Variants in ZNF821 observed in about 807,000 individuals in gnomAD.
The protein encoded by ZNF821 is zinc finger protein 821.
A neutral mutation model predicts 44.3 loss-of-function variants in ZNF821; 16 were observed. The observed-to-expected ratio is 0.36, with a 90% CI of 0.24 to 0.55. ZNF821 has a LOEUF of 0.55. ZNF821 is among the 20% of genes least tolerant of loss of function. The probability of loss-of-function intolerance (pLI) is 0.86; values close to 1 mark genes in which losing one functional copy is unlikely to be tolerated. For missense variants in ZNF821, 436 were observed against 547.6 expected, an observed-to-expected ratio of 0.80 and a Z score of 2.03; for synonymous variants, 204 against 197.6, an observed-to-expected ratio of 1.03 and a Z score of -0.27.
chr16:71,886,902 A>C (rs1269362863), upstream of ZNF821, among the ~76,000 whole-genome samples: 1 of 152,218 alleles, frequency 6.6e-6, no homozygotes, highest in Non-Finnish European at 1.5e-5. Flanking sequence ...ATTTCATATA[A>C]ATGTGATTGA....
chr16:71,874,798 T>A (rs999415572), intron 3 of ZNF821, among the ~76,000 whole-genome samples: 2 of 152,178 alleles, frequency 1.3e-5, no homozygotes, highest in South Asian at 4.1e-4. Flanking sequence ...AAATTAAATA[T>A]ATTTAGTTGG....
chr16:71,863,776 C>T (rs775993897), intron 6 of ZNF821, among the ~76,000 whole-genome samples: 5 of 152,190 alleles, frequency 3.3e-5, no homozygotes, highest in African/African-American at 4.8e-5. Context: ...TGGCTCACTG[C>T]GACCTCCGCC....
chr16:71,891,432 G>A (rs936825736), intron 1 of ZNF821: 21 of 152,194 alleles, frequency 1.4e-4, no homozygotes, highest in African/African-American at 5.1e-4. Context: ...ATACTGTTTC[G>A]AATAATTGGC....
At chr16:71,863,319 G>A (rs923499403) in intron 6 of ZNF821, among the ~76,000 whole-genome samples, 1 of 151,214 alleles carries the variant, frequency 6.6e-6, no homozygotes, top group Admixed American at 6.6e-5. Context: ...TTTTCACAGT[G>A]TGTCTGCCCG....
At chr16:71,870,499 T>A (rs1237948902) in intron 3 of ZNF821, among the ~76,000 whole-genome samples, 2 of 151,208 alleles carry the variant, frequency 1.3e-5, no homozygotes, top group Non-Finnish European at 3.0e-5. Flanking sequence ...TTTTTTTTTT[T>A]TTTTAATATG....
At chr16:71,889,076 C>G (rs1261787139), upstream of ZNF821, among the ~76,000 whole-genome samples, 7 of 151,974 alleles carry the variant, frequency 4.6e-5, no homozygotes, top group Non-Finnish European at 1.5e-5. Context: ...GAGATCCTGT[C>G]TCTACAAAAA....
At chr16:71,869,430 G>C (rs1402184938) in intron 3 of ZNF821, among the ~76,000 whole-genome samples, 1 of 152,036 alleles carries the variant, frequency 6.6e-6, no homozygotes, top group Non-Finnish European at 1.5e-5. Flanking sequence ...ACATTCATTG[G>C]GCATCTATTA....
At chr16:71,865,817 G>T (rs1184987155) in intron 4 of ZNF821, among the ~76,000 whole-genome samples, 1 of 152,144 alleles carries the variant, frequency 6.6e-6, no homozygotes, top group Non-Finnish European at 1.5e-5. Context: ...CATTCTTTAG[G>T]ATGAAATGTA....
chr16:71,878,268 T>G (rs752024336), intron 3 of ZNF821, among the ~76,000 whole-genome samples: 1 of 151,764 alleles, frequency 6.6e-6, no homozygotes, highest in Non-Finnish European at 1.5e-5. Flanking sequence ...CCTGCCACCA[T>G]GCCTGGTTAA....
In ZNF821 at chr16:71,860,965, C is replaced by T. The variant is rs1181048330; in HGVS notation, c.585-293G>A. ...CCGCCTCCTAGGTTCAAGCCATTCT[C>T]CTGCCTCAGCCTCCTGAGTAGCTGG... On this transcript the variant is annotated intron_variant, in intron 7 of 7. Coordinates refer to ENST00000425432, the MANE Select transcript of ZNF821 (RefSeq NM_001201552.2). The surrounding 1 kb of genome is among the most constrained non-coding windows in gnomAD (Gnocchi z 7.3). Among the ~76,000 whole-genome samples, 2 of 151,724 alleles carry T rather than the reference C, an allele frequency of 1.3e-5. No homozygotes were observed. Among genetic ancestry groups the T allele is most frequent in the African/African-American group, 4.8e-5 (2 of 41,342 alleles).
At chr16:71,867,515 C>T (rs564062971) in intron 4 of ZNF821, among the ~76,000 whole-genome samples, 27 of 152,066 alleles carry the variant, frequency 1.8e-4, no homozygotes, top group African/African-American at 6.3e-4. Context: ...GGAGAAACCC[C>T]GTCTCTACTA....
At position 71,860,353 on chromosome 16, in the gene ZNF821, C is replaced by T; in HGVS notation, c.904G>A (p.Glu302Lys). 6.2e-7 allele frequency: 1 copy of T among 1,611,752 alleles called. No individual in the cohort carries two copies. The highest frequency in any genetic ancestry group is 8.5e-7 in the Non-Finnish European group (1 of 1,180,004). ...EREVRRMRDR[E>K]AKRLQRMQET... is the part of the protein sequence containing the mutation. Reference sequence around the variant, plus strand: ...TGCATGCGCTGCAAGCGCTTGGCTTCACGGTCCCTCATGCGCCTCACCTCC... The same window carrying T: ...TGCATGCGCTGCAAGCGCTTGGCTTTACGGTCCCTCATGCGCCTCACCTCC... Residue 302 changes from glutamate (E) to lysine (K), a missense_variant, in exon 8 of 8, where the codon GAA (glutamate) becomes AAA (lysine). Around this residue, in one of 5 missense-constraint regions of ZNF821, gnomAD observed 72 missense variants for 133.3 expected, o/e 0.54. Coordinates refer to ENST00000425432, the MANE Select transcript of ZNF821 (RefSeq NM_001201552.2). This position sits in a 1 kb window ranked among gnomAD's most constrained non-coding sequence, Gnocchi z 7.3.
upstream of ZNF821, among the ~76,000 whole-genome samples, chr16:71,889,525 T>C (rs1301330180): frequency 6.6e-6 from 1 of 151,892 alleles, no homozygotes; most frequent in African/African-American, 2.4e-5. Flanking sequence ...ATACAAAAAT[T>C]AGCCGGGTGT....
In ZNF821 at chr16:71,860,809, T is replaced by G. The variant is rs1166817227; in HGVS notation, c.585-137A>C. On this transcript the variant is annotated intron_variant, in intron 7 of 7. Coordinates refer to ENST00000425432, the MANE Select transcript of ZNF821 (RefSeq NM_001201552.2). This position sits in a 1 kb window ranked among gnomAD's most constrained non-coding sequence, Gnocchi z 7.3. ...GGTCAGTTTGAATGCTTGGTGGACCTCTTCTGCTGCTCCATCCCTTCTCTT... is the reference window on the plus strand; with the variant it reads ...GGTCAGTTTGAATGCTTGGTGGACCGCTTCTGCTGCTCCATCCCTTCTCTT... 1.3e-6 allele frequency: 1 copy of G among 783,420 alleles called. No homozygotes were observed. Among genetic ancestry groups the G allele is most frequent in the Non-Finnish European group, 2.0e-6 (1 of 505,786 alleles). 48.5% of individuals were successfully genotyped at this position (783,420 alleles called of 1,614,324 possible).
intron 7 of ZNF821, among the ~76,000 whole-genome samples, chr16:71,861,435 C>T (rs2031553692): frequency 6.6e-6 from 1 of 152,346 alleles, no homozygotes; most frequent in South Asian, 2.1e-4. Flanking sequence ...AAGGACACAA[C>T]GTTCCAGTCT....
At chr16:71,892,922 G>C (rs553687034) in intron 1 of ZNF821, among the ~76,000 whole-genome samples, 1 of 149,284 alleles carries the variant, frequency 6.7e-6, no homozygotes, top group Admixed American at 6.7e-5. Flanking sequence ...GTAGACACAG[G>C]GTTTCACCAT....
intron 1 of ZNF821, among the ~76,000 whole-genome samples, chr16:71,893,028 G>GTTTTTTTTT (rs767096247): frequency 2.1e-4 from 8 of 37,958 alleles, no homozygotes; most frequent in Admixed American, 3.9e-4. Context: ...ACCCTGCCTG[G>GTTTTTTTTT]CTTTTTTTTT....
Position 71,860,205 on chromosome 16 carries a change from C to T in ZNF821, c.1052G>A (p.Arg351Gln), listed in dbSNP as rs1253396385. Residue 351 changes from arginine (R) to glutamine (Q), a missense_variant, in exon 8 of 8, where the codon CGG (arginine) becomes CAG (glutamine). Around this residue, in one of 5 missense-constraint regions of ZNF821, gnomAD observed 72 missense variants for 133.3 expected, o/e 0.54. Coordinates refer to ENST00000425432, the MANE Select transcript of ZNF821 (RefSeq NM_001201552.2). This position sits in a 1 kb window ranked among gnomAD's most constrained non-coding sequence, Gnocchi z 7.3. ...ARLIREREAK[R>Q]LKRRLEKMDM... The stretch of plus-strand genomic sequence containing the variant: ...CATTTTCTCCAGCCTCCTCTTGAGC[C>T]GCTTGGCCTCTCGCTCTCGGATGAG... 6 of 1,614,098 alleles carry T rather than the reference C, an allele frequency of 3.7e-6. No homozygotes were observed. The Admixed American group carries it at 5.0e-5, about 13-fold the overall frequency.
In ZNF821 at chr16:71,867,922, G is replaced by A; in HGVS notation, c.156C>T (p.Asp52=). 1 of 1,535,986 alleles carries A rather than the reference G, an allele frequency of 6.5e-7. No individual in the cohort carries two copies. The highest frequency in any genetic ancestry group is 8.7e-7 in the Non-Finnish European group (1 of 1,146,854). ...RQAIQQLRDQ[D]SSSSDSEGDE... is the part of the protein sequence containing the mutation. ...AGGTGCAGAACTCACTGCTACTGGAGTCCTGATCTCTTAGTTGTTGGATAG... is the reference window on the plus strand; with the variant it reads ...AGGTGCAGAACTCACTGCTACTGGAATCCTGATCTCTTAGTTGTTGGATAG... The change falls in exon 4 of 8, where the codon GAC becomes GAT. Residue 52 remains aspartate (D), a synonymous_variant. Coordinates refer to ENST00000425432, the MANE Select transcript of ZNF821 (RefSeq NM_001201552.2).
Sources: allele counts gnomAD v4.1 joint callset (sites outside exome capture counted in the v4.1 genomes callset), GRCh38; gene constraint gnomAD v4.1.1; regional missense constraint gnomAD v4.1.1; non-coding constraint Gnocchi (gnomAD v3.1); transcripts MANE v1.5; gene names NCBI Gene and HGNC (gene_info 2026-07-23, HGNC 2026-07-21).